ZNF804A: variants seen among roughly 807,000 people sequenced by gnomAD.
ZNF804A encodes zinc finger protein 804A.
ZNF804A carries 2 observed loss-of-function variants against 16.5 expected under a neutral mutation model. The ratio of observed to expected loss-of-function variants is 0.12; its 90% CI spans 0.05 to 0.38. The LOEUF (loss-of-function observed/expected upper bound fraction) is 0.38. Among genes scored for constraint, ZNF804A ranks in the 10% least tolerant of loss-of-function variants. ZNF804A has a pLI of 0.99. For missense variants in ZNF804A, 1,473 were observed against 1,390.7 expected, an observed-to-expected ratio of 1.06 and a Z score of -0.94; for synonymous variants, 534 against 489.6, an observed-to-expected ratio of 1.09 and a Z score of -1.20.
At chr2:184,869,036 A>G (rs1443660223) in intron 2 of ZNF804A, among the ~76,000 whole-genome samples, 1 of 152,040 alleles carries the variant, frequency 6.6e-6, no homozygotes, top group African/African-American at 2.4e-5. Context: ...GCTGAAATGC[A>G]TGATGTTCAA....
chr2:184,802,359 G>A (rs1694740611), intron 1 of ZNF804A, among the ~76,000 whole-genome samples: 1 of 152,160 alleles, frequency 6.6e-6, no homozygotes, highest in Admixed American at 6.5e-5. Flanking sequence ...ACCCTTCAGA[G>A]TTTAAAAGCA....
intron 1 of ZNF804A, among the ~76,000 whole-genome samples, chr2:184,809,275 A>AT (rs1694856728): frequency 6.6e-6 from 1 of 151,724 alleles, no homozygotes; most frequent in African/African-American, 2.4e-5. Context: ...TTTGAAAATA[A>AT]TTTTTTATAA....
intron 3 of ZNF804A, among the ~76,000 whole-genome samples, chr2:184,934,492 G>T (rs1284440938): frequency 6.6e-6 from 1 of 151,994 alleles, no homozygotes; most frequent in Non-Finnish European, 1.5e-5. Flanking sequence ...CATTGTTAGG[G>T]ATGCCAAATT....
At chr2:184,898,438 C>G (rs1685124135) in intron 2 of ZNF804A, among the ~76,000 whole-genome samples, 1 of 152,000 alleles carries the variant, frequency 6.6e-6, no homozygotes, top group African/African-American at 2.4e-5. Context: ...AACACCAACT[C>G]CAAAGTAACA....
At chr2:184,824,527 A>T (rs997978660) in intron 1 of ZNF804A, among the ~76,000 whole-genome samples, 1 of 151,498 alleles carries the variant, frequency 6.6e-6, no homozygotes, top group African/African-American at 2.4e-5. Context: ...ACTATTGCTT[A>T]TAACGCTCTC....
At chr2:184,652,438 T>C (rs1021690403) in intron 1 of ZNF804A, among the ~76,000 whole-genome samples, 1 of 151,886 alleles carries the variant, frequency 6.6e-6, no homozygotes, top group Non-Finnish European at 1.5e-5. Context: ...AAATAACAGA[T>C]GAAAAAAATA....
rs183282216 is a variant in ZNF804A at position 184,909,263 on chromosome 2, A to G, written c.256-24340A>G. The stretch of plus-strand genomic sequence containing the variant: ...AATTAACAGATGAGTTCAGAAGACA[A>G]GTTAAGTACTTTATTAGCTGCTGAG... On this transcript the variant is annotated intron_variant, in intron 2 of 3. Coordinates refer to ENST00000302277, the MANE Select transcript of ZNF804A (RefSeq NM_194250.2). Among the ~76,000 whole-genome samples the G allele has an allele frequency of 6.2e-3, 942 of 152,192 alleles. 9 individuals are homozygous for G. Among genetic ancestry groups the G allele is most frequent in the Middle Eastern group, 0.061 (18 of 294 alleles).
At chr2:184,885,975 C>CAG (rs1397533907) in intron 2 of ZNF804A, among the ~76,000 whole-genome samples, 8 of 152,140 alleles carry the variant, frequency 5.3e-5, no homozygotes, top group African/African-American at 1.9e-4. Context: ...CATGCCTTTC[C>CAG]AACCGTCTCC....
chr2:184,918,843 G>T (rs1685491099), intron 2 of ZNF804A, among the ~76,000 whole-genome samples: 2 of 152,106 alleles, frequency 1.3e-5, no homozygotes, highest in Admixed American at 6.6e-5. Context: ...TTCCAAACTA[G>T]AAACCACCAT....
intron 1 of ZNF804A, among the ~76,000 whole-genome samples, chr2:184,823,075 A>G (rs1224196808): frequency 6.6e-6 from 1 of 152,100 alleles, no homozygotes; most frequent in Non-Finnish European, 1.5e-5. Flanking sequence ...TGTATTTCAC[A>G]CAGTATTGGA....
At chr2:184,741,999 ATATT>A (rs1693715652) in intron 1 of ZNF804A, among the ~76,000 whole-genome samples, 1 of 152,060 alleles carries the variant, frequency 6.6e-6, no homozygotes, top group Non-Finnish European at 1.5e-5. Flanking sequence ...TTTAATTTAT[ATATT>A]CAGTCTAATT....
chr2:184,859,973 C>T (rs2105808148), intron 1 of ZNF804A, among the ~76,000 whole-genome samples: 1 of 152,278 alleles, frequency 6.6e-6, no homozygotes, highest in African/African-American at 2.4e-5. Flanking sequence ...AAGGGTTTGG[C>T]ATTTGGTTCC....
intron 1 of ZNF804A, among the ~76,000 whole-genome samples, chr2:184,851,259 C>T (rs1445877455): frequency 6.6e-6 from 1 of 151,686 alleles, no homozygotes; most frequent in African/African-American, 2.4e-5. Context: ...AGTATAGTCA[C>T]CATATTGTGA....
chr2:184,886,731 T>C (rs1245661596), intron 2 of ZNF804A, among the ~76,000 whole-genome samples: 2 of 152,228 alleles, frequency 1.3e-5, no homozygotes, highest in Non-Finnish European at 2.9e-5. Flanking sequence ...CAGCCCAAGC[T>C]GTATGTTGGC....
At position 184,799,875 on chromosome 2, in the gene ZNF804A, A is replaced by G. The variant is rs180839200; in HGVS notation, c.112-66494A>G. On this transcript the variant is annotated intron_variant, in intron 1 of 3. Transcript: ENST00000302277. ...TGTTTTCTATGCTTCTGCTTTATGGAAGAGATTATGATTACTATCAATTGC... is the reference window on the plus strand; with the variant it reads ...TGTTTTCTATGCTTCTGCTTTATGGGAGAGATTATGATTACTATCAATTGC... Among the ~76,000 whole-genome samples, 353 of 152,190 alleles carry G rather than the reference A, an allele frequency of 2.3e-3. 2 individuals are homozygous for G. Among genetic ancestry groups the G allele is most frequent in the Non-Finnish European group, 4.0e-3 (271 of 67,998 alleles).
At chr2:184,804,669 T>G (rs1359716025) in intron 1 of ZNF804A, among the ~76,000 whole-genome samples, 1 of 152,160 alleles carries the variant, frequency 6.6e-6, no homozygotes, top group East Asian at 1.9e-4. Context: ...GTTACAGAAT[T>G]TTATGAAAAT....
intron 1 of ZNF804A, among the ~76,000 whole-genome samples, chr2:184,641,391 G>A (rs1691793322): frequency 6.6e-6 from 1 of 152,152 alleles, no homozygotes; most frequent in South Asian, 2.1e-4. Context: ...AAGCAGATCA[G>A]CAGTTGCTTG....
intron 1 of ZNF804A, among the ~76,000 whole-genome samples, chr2:184,719,194 G>A (rs933624703): frequency 6.6e-6 from 1 of 152,126 alleles, no homozygotes; most frequent in Admixed American, 6.5e-5. Flanking sequence ...ACCTTGGCCC[G>A]TTTTAGTCAC....
intron 1 of ZNF804A, among the ~76,000 whole-genome samples, chr2:184,666,853 G>A (rs1005402555): frequency 1.1e-4 from 16 of 151,916 alleles, no homozygotes; most frequent in Admixed American, 2.0e-4. Context: ...GGAAATATAC[G>A]TGTATAAAAT....
Sources: allele counts gnomAD v4.1 joint callset (sites outside exome capture counted in the v4.1 genomes callset), GRCh38; gene constraint gnomAD v4.1.1; transcripts MANE v1.5; gene names NCBI Gene and HGNC (gene_info 2026-07-23, HGNC 2026-07-21).